The following HS3ST2 variants were observed in gnomAD, a reference collection of about 807,000 sequenced individuals.
HS3ST2 encodes heparan sulfate glucosamine 3-O-sulfotransferase 2.
A neutral mutation model predicts 26.3 loss-of-function variants in HS3ST2; 17 were observed. The ratio of observed to expected loss-of-function variants is 0.65; its 90% confidence interval spans 0.44 to 0.97. The LOEUF is 0.97. HS3ST2 is among the 50% of genes least tolerant of loss of function. HS3ST2 has a pLI of 0.00. For synonymous variants in HS3ST2, 237 were observed against 219.2 expected (o/e 1.08, Z -0.72); for missense variants, 402 against 501.2 (o/e 0.80, Z 1.89).
At chr16:22,852,508 G>A (rs1901531839) in intron 1 of HS3ST2, among the ~76,000 whole-genome samples, 2 of 152,130 alleles carry the variant, frequency 1.3e-5, no homozygotes, top group Admixed American at 1.3e-4. Flanking sequence ...GCTCAGATGT[G>A]TACTAGTTCT....
At chr16:22,836,485 A>T (rs572676926) in intron 1 of HS3ST2, among the ~76,000 whole-genome samples, 2 of 152,202 alleles carry the variant, frequency 1.3e-5, no homozygotes, top group South Asian at 4.2e-4. Flanking sequence ...TGTATCAACC[A>T]TTATGTCCTT....
chr16:22,868,500 CT>C (rs1053863738), intron 1 of HS3ST2, among the ~76,000 whole-genome samples: 1 of 149,852 alleles, frequency 6.7e-6, no homozygotes, highest in African/African-American at 2.5e-5. Flanking sequence ...TATACAAGAT[CT>C]TCATTTTTTC....
In HS3ST2 at chr16:22,849,134, C is replaced by T. The variant is rs79999967; in HGVS notation, c.485+34039C>T. 1.8e-4 allele frequency among the ~76,000 whole-genome samples: 27 copies of T among 152,256 alleles called. No individual in the cohort carries two copies. The East Asian group carries it at 5.0e-3, about 28-fold the overall frequency. On this transcript the variant is annotated intron_variant, in intron 1 of 1. Transcript: ENST00000261374. ...CATGTACACCCAGAGGGACTTGAAG[C>T]ATGTAATGTGCCCTAAATAGCAGGT... is the stretch of plus-strand genomic sequence containing the variant.
chr16:22,884,654 A>G (rs1477244634), intron 1 of HS3ST2, among the ~76,000 whole-genome samples: 3 of 141,240 alleles, frequency 2.1e-5, no homozygotes, highest in Non-Finnish European at 3.0e-5. Flanking sequence ...CAAAATAGAG[A>G]AAAAAATATA....
intron 1 of HS3ST2, among the ~76,000 whole-genome samples, chr16:22,846,187 G>A (rs1901429524): frequency 6.6e-6 from 1 of 151,844 alleles, no homozygotes; most frequent in Non-Finnish European, 1.5e-5. Context: ...TGAGGCAGGA[G>A]AATTGTTTGA....
At chr16:22,897,989 G>A (rs988075972) in intron 1 of HS3ST2, among the ~76,000 whole-genome samples, 1 of 152,218 alleles carries the variant, frequency 6.6e-6, no homozygotes, top group Non-Finnish European at 1.5e-5. Context: ...AAGACGATAA[G>A]TAAACACACT....
chr16:22,833,920 G>T (rs530323200), intron 1 of HS3ST2, among the ~76,000 whole-genome samples: 1 of 150,988 alleles, frequency 6.6e-6, no homozygotes, highest in African/African-American at 2.5e-5. Flanking sequence ...AAGATATATT[G>T]TTCAGCTAAA....
At chr16:22,836,415 C>A (rs1483314654) in intron 1 of HS3ST2, among the ~76,000 whole-genome samples, 1 of 152,130 alleles carries the variant, frequency 6.6e-6, no homozygotes, top group Non-Finnish European at 1.5e-5. Flanking sequence ...ACAACCATGG[C>A]AGAAGATGAA....
intron 1 of HS3ST2, among the ~76,000 whole-genome samples, chr16:22,890,860 T>C (rs527259861): frequency 6.6e-6 from 1 of 152,330 alleles, no homozygotes; most frequent in Non-Finnish European, 1.5e-5. Context: ...TGCCTTTCCA[T>C]GGATTAAGTA....
In HS3ST2 at chr16:22,814,822, G is replaced by A; in HGVS notation, c.212G>A (p.Arg71His). ...GGCCAGAAACTTCTCCAGAAGTCCC[G>A]CCCCTGTGATCCCTCCGGGCCGACG... ...AGGQKLLQKS[R>H]PCDPSGPTPS... The change falls in exon 1 of 2, where the codon CGC (arginine) becomes CAC (histidine). Residue 71 changes from arginine to histidine, a missense_variant. Transcript: ENST00000261374. 6.3e-7 allele frequency: 1 copy of A among 1,578,470 alleles called. No homozygotes were observed. Among genetic ancestry groups the A allele is most frequent in the Non-Finnish European group, 8.6e-7 (1 of 1,163,292 alleles).
At chr16:22,820,305 C>T (rs1900972745) in intron 1 of HS3ST2, among the ~76,000 whole-genome samples, 1 of 152,166 alleles carries the variant, frequency 6.6e-6, no homozygotes, top group African/African-American at 2.4e-5. Context: ...TGTCATTGCT[C>T]AAGGAAGTTT....
chr16:22,859,507 T>C (rs1901646797), intron 1 of HS3ST2, among the ~76,000 whole-genome samples: 2 of 152,198 alleles, frequency 1.3e-5, no homozygotes, highest in Non-Finnish European at 2.9e-5. Flanking sequence ...TTCAGTGTTA[T>C]AGCTGTCAGA....
Position 22,831,838 on chromosome 16 carries a change from G to A in HS3ST2, c.485+16743G>A, listed in dbSNP as rs1162526000. On this transcript the variant is annotated intron_variant, in intron 1 of 1. Transcript: ENST00000261374. Reference sequence around the variant, plus strand: ...AAGAGGCAGACAAGCGAGTTTTCTGGGTGCTCTGTAGGGACACCCAAGGGG... The same window carrying A: ...AAGAGGCAGACAAGCGAGTTTTCTGAGTGCTCTGTAGGGACACCCAAGGGG... 7.9e-5 allele frequency among the ~76,000 whole-genome samples: 12 copies of A among 152,172 alleles called. No homozygotes were observed. In the East Asian group the frequency reaches 1.9e-3, roughly 24 times the overall value.
intron 1 of HS3ST2, among the ~76,000 whole-genome samples, chr16:22,847,923 A>AAAGG (rs202057653): frequency 2.0e-4 from 30 of 151,452 alleles, no homozygotes; most frequent in African/African-American, 5.8e-4. Context: ...GGAAGGAAGA[A>AAAGG]AAGGAAGGAA....
intron 1 of HS3ST2, among the ~76,000 whole-genome samples, chr16:22,858,281 T>C (rs1323628633): frequency 6.6e-6 from 1 of 151,448 alleles, no homozygotes; most frequent in East Asian, 1.9e-4. Flanking sequence ...ATTGCATGTC[T>C]GTATCAAAAT....
chr16:22,828,928 C>A (rs1439345664), intron 1 of HS3ST2, among the ~76,000 whole-genome samples: 1 of 152,182 alleles, frequency 6.6e-6, no homozygotes, highest in Non-Finnish European at 1.5e-5. Context: ...AAGAACTTGA[C>A]TTAATTCAAT....
At chr16:22,896,838 T>C (rs144031603) in intron 1 of HS3ST2, among the ~76,000 whole-genome samples, 83 of 152,356 alleles carry the variant, frequency 5.4e-4, no homozygotes, top group African/African-American at 2.0e-3. Context: ...AGAGTCTTGC[T>C]TTGTTGCCCA....
intron 1 of HS3ST2, among the ~76,000 whole-genome samples, chr16:22,867,142 A>G (rs888859374): frequency 2.0e-5 from 3 of 152,234 alleles, no homozygotes; most frequent in African/African-American, 7.2e-5. Context: ...AATAGAGTTT[A>G]CTATATGGCA....
At chr16:22,866,377 T>TGA (rs1189904106) in intron 1 of HS3ST2, among the ~76,000 whole-genome samples, 2 of 149,184 alleles carry the variant, frequency 1.3e-5, no homozygotes, top group Non-Finnish European at 3.0e-5. Context: ...TGCGTGTGTG[T>TGA]GTGTGTGTGT....
Sources: allele counts gnomAD v4.1 joint callset (sites outside exome capture counted in the v4.1 genomes callset), GRCh38; gene constraint gnomAD v4.1.1; transcripts MANE v1.5; gene names NCBI Gene and HGNC (gene_info 2026-07-23, HGNC 2026-07-21).